The following GSG1L2 variants were observed in gnomAD, a reference collection of about 807,000 sequenced individuals.
GSG1L2 encodes the protein GSG1 like 2.
In GSG1L2, 15 loss-of-function variants were observed where a neutral mutation model predicts 9.0. The ratio of observed to expected loss-of-function variants is 1.67; its 90% CI spans 1.12 to 2.57. GSG1L2 has a LOEUF of 2.57. Among genes scored for constraint, GSG1L2 ranks in the 30% most tolerant of loss-of-function variants. The pLI, the probability that GSG1L2 is intolerant of heterozygous loss-of-function variation, is 0.00. For synonymous variants in GSG1L2, 127 were observed against 57.9 expected, an observed-to-expected ratio of 2.19 and a Z score of -5.41; for missense variants, 286 against 150.3, an observed-to-expected ratio of 1.90 and a Z score of -4.72.
At chr17:9,811,731 G>A (rs1372704905) in intron 1 of GSG1L2, among the ~76,000 whole-genome samples, 1 of 152,214 alleles carries the variant, frequency 6.6e-6, no homozygotes, top group Admixed American at 6.5e-5. Context: ...GCCTCTGAGG[G>A]AAAGTGACTT....
Position 9,801,722 on chromosome 17 carries a change from C to A in GSG1L2, c.*664G>T, listed in dbSNP as rs2066497461. ...GGCTGGCGATTTAATTTAAGCAGAACAACTCAAACATGTGTTCCACTTAAA... is the reference window on the plus strand; with the variant it reads ...GGCTGGCGATTTAATTTAAGCAGAAAAACTCAAACATGTGTTCCACTTAAA... On this transcript the variant is annotated 3_prime_UTR_variant, in exon 5 of 5. Transcript: ENST00000399363. Among the ~76,000 whole-genome samples the A allele has an allele frequency of 6.6e-6, 1 of 152,238 alleles. No homozygotes were observed. Among genetic ancestry groups the A allele is most frequent in the Admixed American group, 6.5e-5 (1 of 15,276 alleles).
intron 1 of GSG1L2, among the ~76,000 whole-genome samples, chr17:9,816,868 G>A (rs796447862): frequency 3.6e-4 from 52 of 143,324 alleles, no homozygotes; most frequent in African/African-American, 5.1e-4. Flanking sequence ...GTATGTGTGT[G>A]TCTGTGTGTG....
intron 4 of GSG1L2, 150 bp downstream of exon 4, chr17:9,807,340 C>G: frequency 1.6e-6 from 1 of 616,298 alleles, no homozygotes; most frequent in Non-Finnish European, 2.9e-6. Context: ...GGGAATTGGG[C>G]TACAGATGGG....
At chr17:9,814,709 A>G (rs1048396942) in intron 1 of GSG1L2, among the ~76,000 whole-genome samples, 4 of 152,190 alleles carry the variant, frequency 2.6e-5, no homozygotes, top group African/African-American at 9.7e-5. Flanking sequence ...GGTGTTACAT[A>G]GCGTGTGTGC....
Position 9,802,477 on chromosome 17 carries a change from G to C in GSG1L2, c.791C>G (p.Thr264Arg), listed in dbSNP as rs929665032. 1.4e-6 allele frequency: 1 copy of C among 702,702 alleles called. No individual in the cohort carries two copies. Among genetic ancestry groups the C allele is most frequent in the African/African-American group, 1.7e-5 (1 of 57,214 alleles). The allele number at this position is 702,702 out of a possible 1,614,324, so 43.5% of individuals were successfully genotyped here. The change falls in exon 5 of 5, where the codon ACA becomes AGA. Residue 264 changes from threonine (T) to arginine (R), a missense_variant. Physicochemically the swap from Thr to Arg is moderately conservative, Grantham distance 71. Transcript: ENST00000399363. ...TTCAGCAGGGCAAGGAGCAGCTCCT[G>C]TTTTCCAAATGCTCTCCGAAGCCTC... Reference protein sequence around the residue: ...EPEASESIWKTGAAPCPAEQA... With the variant: ...EPEASESIWKRGAAPCPAEQA...
Position 9,822,052 on chromosome 17 carries a change from T to A in GSG1L2, c.20A>T (p.Gln7Leu). MDRAKQ[Q>L]QALLLLPVCL... The stretch of plus-strand genomic sequence containing the variant: ...GACAGGGAGGAGGAGCAGCGCCTGC[T>A]GCTGCTTGGCCCTGTCCATGGCTGA... The change falls in exon 1 of 5, where the codon CAG becomes CTG. Residue 7 changes from glutamine (Q) to leucine (L), a missense_variant. Physicochemically the swap from Gln to Leu is moderately radical, Grantham distance 113. Transcript: ENST00000399363. 1.4e-6 allele frequency: 1 copy of A among 701,656 alleles called. No homozygotes were observed. Among genetic ancestry groups the A allele is most frequent in the Non-Finnish European group, 2.6e-6 (1 of 384,802 alleles). 43.5% of individuals were successfully genotyped at this position (701,656 alleles called of 1,614,324 possible).
chr17:9,819,098 G>C (rs796786483), intron 1 of GSG1L2, among the ~76,000 whole-genome samples: 29 of 152,244 alleles, frequency 1.9e-4, no homozygotes, highest in African/African-American at 7.0e-4. Flanking sequence ...AATCACCAGG[G>C]GGGCTTATTA....
Position 9,810,558 on chromosome 17 carries a change from G to A in GSG1L2, c.358+13C>T, listed in dbSNP as rs1487296020. 2.8e-6 allele frequency: 2 copies of A among 703,014 alleles called. No individual in the cohort carries two copies. Among genetic ancestry groups the A allele is most frequent in the Admixed American group, 4.0e-5 (2 of 50,018 alleles). 43.5% of individuals were successfully genotyped at this position (703,014 alleles called of 1,614,324 possible). A position where few individuals can be genotyped will look rare whatever the true frequency, so the allele number is the denominator to read the frequency against. On this transcript the variant is annotated intron_variant, in intron 2 of 4. Coordinates refer to ENST00000399363, the MANE Select transcript of GSG1L2 (RefSeq NM_001310219.2). ...AGGAGTGCTAGTGGGCAGAGTGTGAGTAAGGTATTTACCTTGTTCTTCAGC... is the reference window on the plus strand; with the variant it reads ...AGGAGTGCTAGTGGGCAGAGTGTGAATAAGGTATTTACCTTGTTCTTCAGC...
At chr17:9,804,393 C>T (rs1448618063) in intron 4 of GSG1L2, 3 of 152,114 alleles carry the variant, frequency 2.0e-5, no homozygotes, top group East Asian at 3.9e-4. Context: ...AGAAGGTGAA[C>T]GGAAGGAAAG....
In GSG1L2 at chr17:9,801,288, A is replaced by G. The variant is rs984542635; in HGVS notation, c.*1098T>C. Among the ~76,000 whole-genome samples, 2 of 151,416 alleles carry G rather than the reference A, an allele frequency of 1.3e-5. No homozygotes were observed. The highest frequency in any genetic ancestry group is 6.6e-5 in the Admixed American group (1 of 15,222). ...AATGGCGCGATCTCTGCTCACTGCAACCTCCACCTCCCAGGTTCAAGCGAT... is the reference window on the plus strand; with the variant it reads ...AATGGCGCGATCTCTGCTCACTGCAGCCTCCACCTCCCAGGTTCAAGCGAT... On this transcript the variant is annotated 3_prime_UTR_variant, in exon 5 of 5. Transcript: ENST00000399363.
chr17:9,802,618 C>A lies in GSG1L2; in HGVS notation c.650G>T (p.Cys217Phe), dbSNP rs973842154. ...CATGGCCGAGACCGACACAGCCAGG[C>A]AGAGGGCGAAAGAACCCCAGGCAAG... ...YCLAWGSFAL[C>F]LAVSVSAMSR... The change falls in exon 5 of 5, where the codon TGC becomes TTC. Residue 217 changes from cysteine to phenylalanine, a missense_variant. By Grantham distance (205) the Cys-to-Phe change is radical. Coordinates refer to ENST00000399363, the MANE Select transcript of GSG1L2 (RefSeq NM_001310219.2). The A allele has an allele frequency of 1.4e-6, 1 of 702,880 alleles. No homozygotes were observed. The highest frequency in any genetic ancestry group is 2.7e-5 in the East Asian group (1 of 37,278). 43.5% of individuals were successfully genotyped at this position (702,880 alleles called of 1,614,324 possible). A position where few individuals can be genotyped will look rare whatever the true frequency, so the allele number is the denominator to read the frequency against.
At chr17:9,807,313 C>A in intron 4 of GSG1L2, 177 bp downstream of exon 4, 1 of 585,534 alleles carries the variant, frequency 1.7e-6, no homozygotes. Context: ...AGGCAGGTAT[C>A]CTCACTTTAT....
chr17:9,813,752 A>G (rs1325353368), intron 1 of GSG1L2, among the ~76,000 whole-genome samples: 1 of 152,194 alleles, frequency 6.6e-6, no homozygotes, highest in African/African-American at 2.4e-5. Context: ...GCAGATGGAT[A>G]CCATGGGCAA....
chr17:9,820,277 A>G lies in GSG1L2; in HGVS notation c.310+1485T>C, dbSNP rs944268002. ...CTGTGGAAACAGAAGTACTATAGGCAGTCCTCATATGAGAACTTGGAAAGG... is the reference window on the plus strand; with the variant it reads ...CTGTGGAAACAGAAGTACTATAGGCGGTCCTCATATGAGAACTTGGAAAGG... On this transcript the variant is annotated intron_variant, in intron 1 of 4. Transcript: ENST00000399363. This position sits in a 1 kb window ranked among gnomAD's most constrained non-coding sequence, Gnocchi z 4.9. Among the ~76,000 whole-genome samples the G allele has an allele frequency of 1.3e-5, 2 of 152,206 alleles. No homozygotes were observed. The highest frequency in any genetic ancestry group is 2.4e-5 in the African/African-American group (1 of 41,456).
intron 2 of GSG1L2, chr17:9,809,837 A>T (rs2066532583): frequency 6.6e-6 from 1 of 152,244 alleles, no homozygotes; most frequent in South Asian, 2.1e-4. Context: ...TTACCAGAAG[A>T]TATCATCTTT....
intron 1 of GSG1L2, among the ~76,000 whole-genome samples, chr17:9,812,087 A>C (rs188481276): frequency 6.6e-6 from 1 of 152,300 alleles, no homozygotes; most frequent in Admixed American, 6.5e-5. Context: ...GTTCATACGC[A>C]TTTAAATCTT....
chr17:9,819,435 G>A (rs184892553), intron 1 of GSG1L2, among the ~76,000 whole-genome samples: 4 of 152,304 alleles, frequency 2.6e-5, no homozygotes, highest in African/African-American at 4.8e-5. Context: ...ATGAAGCCAT[G>A]GCTATGTAAC....
chr17:9,814,379 T>C (rs2066551322), intron 1 of GSG1L2, among the ~76,000 whole-genome samples: 1 of 152,186 alleles, frequency 6.6e-6, no homozygotes. Context: ...AGAGGCCTTT[T>C]CTGAATCGCT....
intron 1 of GSG1L2, among the ~76,000 whole-genome samples, chr17:9,812,564 C>G (rs919114150): frequency 1.3e-5 from 2 of 151,066 alleles, no homozygotes; most frequent in Non-Finnish European, 3.0e-5. Flanking sequence ...GACTGGAAGT[C>G]TGAGATGCCT....
Sources: gnomAD v4.1 joint callset for allele counts (sites outside exome capture counted in the v4.1 genomes callset) on GRCh38, gnomAD v4.1.1 for gene constraint, Gnocchi (gnomAD v3.1) non-coding constraint, MANE v1.5 for transcripts, NCBI Gene and HGNC (gene_info 2026-07-23, HGNC 2026-07-21) for gene names.